Variants in SPAG1 observed in about 807,000 individuals in gnomAD.
SPAG1 encodes the protein sperm-associated antigen 1.
A neutral mutation model predicts 100.5 loss-of-function variants in SPAG1; 69 were observed. The observed-to-expected ratio is 0.69, with a 90% CI of 0.57 to 0.84. SPAG1 has a LOEUF of 0.84. Among genes scored for constraint, SPAG1 ranks in the 40% least tolerant of loss-of-function variants. The probability of loss-of-function intolerance (pLI) is 0.00; values close to 1 mark genes in which losing one functional copy is unlikely to be tolerated. For synonymous variants in SPAG1, 336 were observed against 411.6 expected (o/e 0.82, Z 2.22); for missense variants, 955 against 1,133.1 (o/e 0.84, Z 2.26).
chr8:100,227,960 C>T (rs145049863), intron 14 of SPAG1, among the ~76,000 whole-genome samples: 170 of 151,522 alleles, frequency 1.1e-3, no homozygotes, highest in African/African-American at 3.8e-3. Flanking sequence ...AGTCTTCCCA[C>T]CTCAGTCCTG....
At chr8:100,229,400 G>C (rs1042448746) in intron 14 of SPAG1, among the ~76,000 whole-genome samples, 1 of 152,108 alleles carries the variant, frequency 6.6e-6, no homozygotes, top group Non-Finnish European at 1.5e-5. Flanking sequence ...CTCCAGCCCG[G>C]GCGACAGAGC....
At chr8:100,203,032 G>A (rs561395225) in intron 10 of SPAG1, among the ~76,000 whole-genome samples, 1 of 152,264 alleles carries the variant, frequency 6.6e-6, no homozygotes, top group South Asian at 2.1e-4. Flanking sequence ...AGGATACAAA[G>A]TATTGATCCT....
At chr8:100,173,236 T>C (rs1815960490) in intron 3 of SPAG1, among the ~76,000 whole-genome samples, 1 of 151,956 alleles carries the variant, frequency 6.6e-6, no homozygotes, top group South Asian at 2.1e-4. Flanking sequence ...TCTTGCTGTA[T>C]TGTCCAGGCT....
chr8:100,180,152 A>AC (rs1210187091), intron 4 of SPAG1, among the ~76,000 whole-genome samples: 3 of 151,694 alleles, frequency 2.0e-5, no homozygotes, highest in African/African-American at 4.8e-5. Context: ...ACATAGCGAG[A>AC]CCCCATCTCT....
intron 1 of SPAG1, among the ~76,000 whole-genome samples, chr8:100,159,267 T>C (rs1815203759): frequency 6.6e-6 from 1 of 152,234 alleles, no homozygotes; most frequent in South Asian, 2.1e-4. Flanking sequence ...CTTGCTTTCC[T>C]GTAACTTCTA....
intron 8 of SPAG1, among the ~76,000 whole-genome samples, chr8:100,190,526 A>G (rs1161914029): frequency 1.3e-5 from 2 of 152,032 alleles, no homozygotes; most frequent in East Asian, 3.9e-4. Flanking sequence ...TTTCTGACCT[A>G]ACTGACTTAA....
At chr8:100,214,988 CATATATATAT>C (rs71274967) in intron 12 of SPAG1, among the ~76,000 whole-genome samples, 146 of 68,636 alleles carry the variant, frequency 2.1e-3, no homozygotes, top group Non-Finnish European at 2.8e-3. Context: ...AAACTTTACT[CATATATATAT>C]ATATATATAT....
chr8:100,198,678 A>G (rs1157984471), intron 10 of SPAG1, among the ~76,000 whole-genome samples: 2 of 152,358 alleles, frequency 1.3e-5, no homozygotes, highest in South Asian at 2.1e-4. Flanking sequence ...TTTCAAATTC[A>G]GTGAATTTTA....
chr8:100,163,170 C>T (rs1458242666), intron 2 of SPAG1, among the ~76,000 whole-genome samples: 1 of 152,062 alleles, frequency 6.6e-6, no homozygotes, highest in Non-Finnish European at 1.5e-5. Context: ...GAGCTCCATT[C>T]TAGTGACTGT....
rs1818212787 is a variant in SPAG1, at chr8:100,220,395, A to C, written c.1652A>C (p.Asp551Ala). The change falls in exon 13 of 19, where the codon GAC becomes GCC. Residue 551 changes from aspartate (D) to alanine (A), a missense_variant. Coordinates refer to ENST00000388798, the MANE Select transcript of SPAG1 (RefSeq NM_003114.5). The stretch of plus-strand genomic sequence containing the variant: ...GATTATAAAACAGTGTTGCAGATAG[A>C]CTGTGGACTCCAGCTAGCAAATGAC... ...YVDYKTVLQI[D>A]CGLQLANDSV... 6.2e-7 allele frequency: 1 copy of C among 1,613,562 alleles called. No homozygotes were observed. Among genetic ancestry groups the C allele is most frequent in the Non-Finnish European group, 8.5e-7 (1 of 1,179,880 alleles).
chr8:100,208,999 A>G (rs527713160), intron 10 of SPAG1, among the ~76,000 whole-genome samples: 1 of 152,306 alleles, frequency 6.6e-6, no homozygotes, highest in East Asian at 1.9e-4. Context: ...GTGTTGCCAA[A>G]GGAGATTAAC....
At chr8:100,238,171 TAC>T (rs1260811672) in intron 16 of SPAG1, among the ~76,000 whole-genome samples, 1 of 152,192 alleles carries the variant, frequency 6.6e-6, no homozygotes, top group Non-Finnish European at 1.5e-5. Context: ...AGGATATAAA[TAC>T]AGTGTCATTT....
intron 2 of SPAG1, chr8:100,165,327 G>T: frequency 2.0e-6 from 1 of 508,864 alleles, no homozygotes; most frequent in Non-Finnish European, 4.0e-6. Flanking sequence ...TCCATCATTG[G>T]TAATAATTGC....
intron 16 of SPAG1, among the ~76,000 whole-genome samples, chr8:100,234,319 A>G (rs1038788006): frequency 6.6e-6 from 1 of 152,012 alleles, no homozygotes; most frequent in African/African-American, 2.4e-5. Context: ...CAATATCCCA[A>G]TCGAGATAAA....
intron 16 of SPAG1, among the ~76,000 whole-genome samples, chr8:100,234,005 T>C (rs1444844376): frequency 6.6e-6 from 1 of 152,206 alleles, no homozygotes; most frequent in Non-Finnish European, 1.5e-5. Flanking sequence ...AGCCAGCTGA[T>C]GGTCAGTGTA....
intron 12 of SPAG1, among the ~76,000 whole-genome samples, chr8:100,216,997 C>T (rs1159449412): frequency 5.0e-5 from 7 of 139,138 alleles, no homozygotes; most frequent in East Asian, 4.3e-4. Context: ...AGTGCAGTGG[C>T]GCAATCTCAG....
chr8:100,207,540 G>A (rs1320358276), intron 10 of SPAG1, among the ~76,000 whole-genome samples: 1 of 152,238 alleles, frequency 6.6e-6, no homozygotes, highest in Non-Finnish European at 1.5e-5. Flanking sequence ...CCAGTGGGCA[G>A]AACTTCAAGC....
At chr8:100,219,330 C>G (rs1440798864) in intron 12 of SPAG1, among the ~76,000 whole-genome samples, 1 of 152,150 alleles carries the variant, frequency 6.6e-6, no homozygotes, top group Admixed American at 6.5e-5. Flanking sequence ...AGAATAAATC[C>G]ACCATCTTCA....
intron 4 of SPAG1, among the ~76,000 whole-genome samples, chr8:100,180,323 G>A (rs1321016351): frequency 6.6e-6 from 1 of 152,178 alleles, no homozygotes; most frequent in Non-Finnish European, 1.5e-5. Flanking sequence ...GGGCAACAGA[G>A]CAAGACCCTG....
Sources: allele counts gnomAD v4.1 joint callset (sites outside exome capture counted in the v4.1 genomes callset), GRCh38; gene constraint gnomAD v4.1.1; transcripts MANE v1.5; gene names NCBI Gene and HGNC (gene_info 2026-07-23, HGNC 2026-07-21).